The following BICDL1 variants were observed in gnomAD, a reference collection of about 807,000 sequenced individuals.
BICDL1 encodes BICD family like cargo adaptor 1.
Under a neutral mutation model 76.8 loss-of-function variants are expected in BICDL1, and 20 were observed. That is an observed-to-expected ratio of 0.26 (90% CI 0.18 to 0.38). The LOEUF is 0.38. Ranked by LOEUF, BICDL1 falls within the 10% of genes least tolerant of loss-of-function variation. The pLI is 1.00. For missense variants in BICDL1, 700 were observed against 798.6 expected, an observed-to-expected ratio of 0.88 and a Z score of 1.49; for synonymous variants, 383 against 337.1, an observed-to-expected ratio of 1.14 and a Z score of -1.49.
chr12:120,052,287 T>TTTTC (rs1290430273), intron 2 of BICDL1, among the ~76,000 whole-genome samples: 1 of 148,400 alleles, frequency 6.7e-6, no homozygotes, highest in African/African-American at 2.5e-5. Context: ...CTTTCTAACT[T>TTTTC]TTTCTTTCTT....
intron 2 of BICDL1, among the ~76,000 whole-genome samples, chr12:120,012,027 A>G (rs950220129): frequency 6.6e-6 from 1 of 152,242 alleles, no homozygotes; most frequent in African/African-American, 2.4e-5. Context: ...GAAAATTAGT[A>G]GAGAGATAGT....
chr12:120,030,813 T>G (rs1440790656), intron 2 of BICDL1, among the ~76,000 whole-genome samples: 3 of 152,220 alleles, frequency 2.0e-5, no homozygotes, highest in African/African-American at 7.2e-5. Context: ...CCTGGGCTAT[T>G]TTTTGTCTTT....
chr12:120,093,897 G>A lies in BICDL1; in HGVS notation c.*736G>A. 3.8e-6 allele frequency: 1 copy of A among 264,702 alleles called. No individual in the cohort carries two copies. Among genetic ancestry groups the A allele is most frequent in the Non-Finnish European group, 7.6e-6 (1 of 130,834 alleles). The allele number at this position is 264,702 out of a possible 1,614,324, so 16.4% of individuals were successfully genotyped here. A position where few individuals can be genotyped will look rare whatever the true frequency, so the allele number is the denominator to read the frequency against. ...GAGTGTTATCACCAGTCATCTGCAG[G>A]CTTTAGCCATCCAGCCCTTTCCCCT... On this transcript the variant is annotated 3_prime_UTR_variant, in exon 10 of 10. Coordinates refer to ENST00000548673, the MANE Select transcript of BICDL1 (RefSeq NM_001367886.1).
chr12:120,078,845 G>A (rs1010981491), intron 7 of BICDL1, among the ~76,000 whole-genome samples: 6 of 152,234 alleles, frequency 3.9e-5, no homozygotes, highest in Non-Finnish European at 7.3e-5. Context: ...CAGAATGTCC[G>A]ACTGGCCCAC....
At chr12:120,058,040 A>G (rs892645474) in intron 2 of BICDL1, among the ~76,000 whole-genome samples, 2 of 151,704 alleles carry the variant, frequency 1.3e-5, no homozygotes, top group African/African-American at 4.8e-5. Flanking sequence ...TCACCGTGTT[A>G]GCCAGGATGG....
At chr12:120,013,127 A>G (rs940496221) in intron 2 of BICDL1, among the ~76,000 whole-genome samples, 1 of 152,166 alleles carries the variant, frequency 6.6e-6, no homozygotes, top group Non-Finnish European at 1.5e-5. Flanking sequence ...CCTGGCCAAC[A>G]TGGCGAAACC....
chr12:120,054,495 A>G (rs1952933517), intron 2 of BICDL1, among the ~76,000 whole-genome samples: 1 of 152,182 alleles, frequency 6.6e-6, no homozygotes, highest in Admixed American at 6.5e-5. Flanking sequence ...AATGCATTAT[A>G]ATTGCAAAAT....
chr12:120,066,655 A>G (rs546568253), intron 4 of BICDL1, among the ~76,000 whole-genome samples: 1 of 152,318 alleles, frequency 6.6e-6, no homozygotes, highest in East Asian at 1.9e-4. Context: ...GCAGTACTCA[A>G]CTGATTTGGA....
chr12:120,023,583 G>A (rs1952226481), intron 2 of BICDL1, among the ~76,000 whole-genome samples: 1 of 152,118 alleles, frequency 6.6e-6, no homozygotes, highest in East Asian at 1.9e-4. Flanking sequence ...GAGGTCAGGA[G>A]TTCAAGACCA....
intron 9 of BICDL1, chr12:120,092,376 C>G: frequency 1.0e-6 from 1 of 985,456 alleles, no homozygotes. Context: ...GCAGGACAGC[C>G]CCTGAAGACC....
chr12:120,014,456 G>A (rs1402843743), intron 2 of BICDL1, among the ~76,000 whole-genome samples: 3 of 152,136 alleles, frequency 2.0e-5, no homozygotes, highest in Non-Finnish European at 2.9e-5. Flanking sequence ...CACTTTGGGA[G>A]GCTGAGCCGG....
chr12:120,084,381 A>C (rs950002277), intron 8 of BICDL1, among the ~76,000 whole-genome samples: 1 of 152,176 alleles, frequency 6.6e-6, no homozygotes, highest in African/African-American at 2.4e-5. Flanking sequence ...GAGGAAACTA[A>C]GAAATACTTT....
intron 2 of BICDL1, among the ~76,000 whole-genome samples, chr12:120,038,596 GA>G (rs1392973523): frequency 6.6e-6 from 1 of 151,684 alleles, no homozygotes; most frequent in Non-Finnish European, 1.5e-5. Context: ...TCATTATGTT[GA>G]TTTTTTTCTT....
intron 2 of BICDL1, among the ~76,000 whole-genome samples, chr12:120,056,868 G>A (rs1952985661): frequency 6.6e-6 from 1 of 152,236 alleles, no homozygotes; most frequent in South Asian, 2.1e-4. Flanking sequence ...GGCAGTGAGT[G>A]AGCAGTCTGT....
chr12:119,998,643 G>A lies in BICDL1; in HGVS notation c.552G>A (p.Gln184=). The A allele has an allele frequency of 6.2e-7, 1 of 1,614,160 alleles. No homozygotes were observed. Among genetic ancestry groups the A allele is most frequent in the Non-Finnish European group, 8.5e-7 (1 of 1,180,032 alleles). ...AGCTACAGGATGAGTTGGAGAGGCA[G>A]CAGATTCATCTGCGGGAAGCAGATC... The part of the protein sequence containing the change: ...VKQLQDELER[Q]QIHLREADRE... Residue 184 remains glutamine (Q), a synonymous_variant, in exon 2 of 10, where the codon CAG becomes CAA. Transcript: ENST00000548673.
chr12:120,059,807 G>A (rs1159555702), intron 2 of BICDL1, among the ~76,000 whole-genome samples: 1 of 151,074 alleles, frequency 6.6e-6, no homozygotes, highest in Non-Finnish European at 1.5e-5. Flanking sequence ...GACCTCCCCA[G>A]GCTCAGGTGA....
intron 2 of BICDL1, among the ~76,000 whole-genome samples, chr12:120,026,542 G>A (rs1226029848): frequency 6.6e-6 from 1 of 152,198 alleles, no homozygotes; most frequent in African/African-American, 2.4e-5. Context: ...TAGACCAACA[G>A]GAGCTAATCA....
chr12:120,062,630 G>T (rs7958497), intron 3 of BICDL1, among the ~76,000 whole-genome samples: 1 of 152,084 alleles, frequency 6.6e-6, no homozygotes, highest in East Asian at 1.9e-4. Flanking sequence ...ATAGCCTGTT[G>T]CCCTGCTCGG....
intron 2 of BICDL1, among the ~76,000 whole-genome samples, chr12:120,051,279 T>G (rs1030216392): frequency 4.0e-5 from 6 of 151,248 alleles, no homozygotes; most frequent in African/African-American, 1.2e-4. Flanking sequence ...AAATCCTGAC[T>G]TCGTGATCTG....
Sources: gnomAD v4.1 joint callset for allele counts (sites outside exome capture counted in the v4.1 genomes callset) on GRCh38, gnomAD v4.1.1 for gene constraint, MANE v1.5 for transcripts, NCBI Gene and HGNC (gene_info 2026-07-23, HGNC 2026-07-21) for gene names.